The following CCBE1 variants were observed in gnomAD, a reference collection of about 807,000 sequenced individuals.
CCBE1 encodes the protein collagen and calcium binding EGF domains 1.
Under a neutral mutation model 50.0 loss-of-function variants are expected in CCBE1, and 37 were observed. The ratio of observed to expected loss-of-function variants is 0.74; its 90% CI spans 0.57 to 0.97. The LOEUF (loss-of-function observed/expected upper bound fraction) is 0.97. Ranked by LOEUF, CCBE1 falls within the 50% of genes least tolerant of loss-of-function variation. The pLI is 0.00. For missense variants in CCBE1, 538 were observed against 523.8 expected (o/e 1.03, Z -0.26); for synonymous variants, 234 against 203.7 (o/e 1.15, Z -1.27).
At chr18:59,691,436 C>T (rs1336416256) in intron 2 of CCBE1, among the ~76,000 whole-genome samples, 3 of 152,216 alleles carry the variant, frequency 2.0e-5, no homozygotes, top group Non-Finnish European at 2.9e-5. Flanking sequence ...GATGGAGTCT[C>T]GCTCTGTTGC....
intron 2 of CCBE1, among the ~76,000 whole-genome samples, chr18:59,627,725 G>T (rs1568241557): frequency 6.6e-6 from 1 of 152,220 alleles, no homozygotes. Flanking sequence ...GCTGGAAGCA[G>T]CAAGGATATG....
chr18:59,665,873 T>C (rs2054348110), intron 2 of CCBE1, among the ~76,000 whole-genome samples: 1 of 152,210 alleles, frequency 6.6e-6, no homozygotes, highest in Admixed American at 6.5e-5. Context: ...AGGAACACTG[T>C]GTGGGCCAAG....
At chr18:59,687,598 G>A (rs994698298) in intron 2 of CCBE1, among the ~76,000 whole-genome samples, 1 of 152,152 alleles carries the variant, frequency 6.6e-6, no homozygotes, top group Admixed American at 6.5e-5. Flanking sequence ...CATTGTTAAA[G>A]CCATCACTAT....
chr18:59,679,728 T>C (rs2144726951), intron 2 of CCBE1, among the ~76,000 whole-genome samples: 1 of 152,362 alleles, frequency 6.6e-6, no homozygotes, highest in East Asian at 1.9e-4. Flanking sequence ...AGGTTGAGGA[T>C]GCGCGTCCAT....
intron 2 of CCBE1, among the ~76,000 whole-genome samples, chr18:59,528,736 T>C (rs568852941): frequency 6.6e-6 from 1 of 152,160 alleles, no homozygotes; most frequent in Non-Finnish European, 1.5e-5. Flanking sequence ...TGACATTTGC[T>C]GGGGGTTCAC....
chr18:59,691,864 G>A (rs1178573134), intron 2 of CCBE1, among the ~76,000 whole-genome samples: 2 of 152,176 alleles, frequency 1.3e-5, no homozygotes, highest in South Asian at 2.1e-4. Context: ...CTGGGGCTAA[G>A]GATCTGATTT....
intron 2 of CCBE1, among the ~76,000 whole-genome samples, chr18:59,548,810 T>A (rs1915807244): frequency 6.6e-6 from 1 of 152,026 alleles, no homozygotes; most frequent in Non-Finnish European, 1.5e-5. Context: ...AACCTGTACA[T>A]GTGACTAATG....
Position 59,502,347 on chromosome 18 carries a change from T to C in CCBE1, c.213-22109A>G, listed in dbSNP as rs78714263. Among the ~76,000 whole-genome samples the C allele has an allele frequency of 1.6e-3, 245 of 152,316 alleles. 1 individual carries two copies. The highest frequency in any genetic ancestry group is 5.7e-3 in the African/African-American group (236 of 41,568). On this transcript the variant is annotated intron_variant, in intron 2 of 10. Coordinates refer to ENST00000439986, the MANE Select transcript of CCBE1 (RefSeq NM_133459.4). ...GGGACACAGGCACGGGTTTTGCTTT[T>C]TTGTGTGTGAGGTAAGAGTCATATG...
chr18:59,564,480 T>C (rs1197028518), intron 2 of CCBE1, among the ~76,000 whole-genome samples: 1 of 152,232 alleles, frequency 6.6e-6, no homozygotes, highest in Admixed American at 6.5e-5. Context: ...TCATGGTCAT[T>C]AAACCATTTC....
intron 3 of CCBE1, among the ~76,000 whole-genome samples, chr18:59,476,921 GT>G (rs1912333419): frequency 6.6e-6 from 1 of 152,188 alleles, no homozygotes; most frequent in Non-Finnish European, 1.5e-5. Context: ...GGAAGTGGGA[GT>G]GGCACCACTC....
chr18:59,611,880 TAG>T (rs2053573677), intron 2 of CCBE1, among the ~76,000 whole-genome samples: 1 of 152,194 alleles, frequency 6.6e-6, no homozygotes, highest in Admixed American at 6.5e-5. Context: ...GATTGAAATA[TAG>T]AGTCACTGGG....
chr18:59,566,015 A>G (rs951467716), intron 2 of CCBE1, among the ~76,000 whole-genome samples: 6 of 152,176 alleles, frequency 3.9e-5, no homozygotes, highest in Non-Finnish European at 8.8e-5. Flanking sequence ...GTTAAAGCTC[A>G]CTGCAGTAGG....
chr18:59,438,413 G>A (rs985439873), intron 9 of CCBE1, among the ~76,000 whole-genome samples: 1 of 152,204 alleles, frequency 6.6e-6, no homozygotes, highest in African/African-American at 2.4e-5. Context: ...CCAACAGCAT[G>A]TGGAGTAACA....
chr18:59,482,444 T>G (rs594625), intron 2 of CCBE1, among the ~76,000 whole-genome samples: 102,869 of 152,068 alleles, frequency 0.68, 35,351 homozygotes, highest in East Asian at 0.84. Context: ...CCCATTACTG[T>G]GTATATACCC....
At chr18:59,506,757 G>C (rs1382742051) in intron 2 of CCBE1, among the ~76,000 whole-genome samples, 1 of 152,226 alleles carries the variant, frequency 6.6e-6, no homozygotes, top group Non-Finnish European at 1.5e-5. Flanking sequence ...GGAGCAGATA[G>C]AAGAGTGGAA....
chr18:59,634,336 T>A (rs1344214480), intron 2 of CCBE1, among the ~76,000 whole-genome samples: 2 of 152,228 alleles, frequency 1.3e-5, no homozygotes, highest in African/African-American at 4.8e-5. Context: ...TCATCACAGA[T>A]CTGTGTCCAC....
intron 2 of CCBE1, among the ~76,000 whole-genome samples, chr18:59,611,440 G>A (rs1342504861): frequency 6.6e-6 from 1 of 152,202 alleles, no homozygotes; most frequent in African/African-American, 2.4e-5. Flanking sequence ...GTGAAGCAGA[G>A]GACTGTCAAG....
At chr18:59,549,029 G>T (rs892342291) in intron 2 of CCBE1, among the ~76,000 whole-genome samples, 8 of 151,312 alleles carry the variant, frequency 5.3e-5, no homozygotes, top group Non-Finnish European at 1.2e-4. Context: ...CTTGAACCTG[G>T]GAGGCAGAGG....
intron 2 of CCBE1, among the ~76,000 whole-genome samples, chr18:59,609,742 G>A (rs1157062734): frequency 6.6e-6 from 1 of 152,206 alleles, no homozygotes; most frequent in Non-Finnish European, 1.5e-5. Context: ...TTTCTATAGA[G>A]GGTCTATTCC....
Sources: gnomAD v4.1 joint callset for allele counts (sites outside exome capture counted in the v4.1 genomes callset) on GRCh38, gnomAD v4.1.1 for gene constraint, MANE v1.5 for transcripts, NCBI Gene and HGNC (gene_info 2026-07-23, HGNC 2026-07-21) for gene names.